Variants in MKRN1 observed in about 807,000 individuals in gnomAD.
MKRN1 encodes E3 ubiquitin-protein ligase makorin-1.
A neutral mutation model predicts 55.5 loss-of-function variants in MKRN1; 9 were observed. The ratio of observed to expected loss-of-function variants is 0.16; its 90% CI spans 0.10 to 0.28. MKRN1 has a LOEUF of 0.28. MKRN1 is among the 10% of genes least tolerant of loss of function. The pLI, the probability that MKRN1 is intolerant of heterozygous loss-of-function variation, is 1.00. For missense variants in MKRN1, 488 were observed against 626.7 expected (o/e 0.78, Z 2.36); for synonymous variants, 253 against 235.9 (o/e 1.07, Z -0.66).
At chr7:140,460,593 G>A (rs567805095) in intron 2 of MKRN1, among the ~76,000 whole-genome samples, 4 of 152,026 alleles carry the variant, frequency 2.6e-5, no homozygotes, top group Non-Finnish European at 4.4e-5. Flanking sequence ...GAGCCACCAC[G>A]TACGGCCATA....
At chr7:140,456,003 A>C (rs1794456198) in intron 5 of MKRN1, 103 bp from the exon 6 acceptor site, 1 of 1,124,204 alleles carries the variant, frequency 8.9e-7, no homozygotes, top group African/African-American at 1.5e-5. Context: ...GACTTAACTG[A>C]AAGGCACGTG....
intron 2 of MKRN1, among the ~76,000 whole-genome samples, chr7:140,467,754 G>T (rs1389752779): frequency 6.6e-6 from 1 of 152,108 alleles, no homozygotes; most frequent in Non-Finnish European, 1.5e-5. Context: ...TGTAATCCCA[G>T]CACTCTGGGA....
chr7:140,460,026 C>A lies in MKRN1; in HGVS notation c.315-90G>T, dbSNP rs1442678502. ...GTTTGGGAAGCTGAGGTGGGTGGAT[C>A]ACCAGAGAGGTTGGGAGTTCGAGAC... On this transcript the variant is annotated intron_variant, in intron 2 of 7. Coordinates refer to ENST00000255977, the MANE Select transcript of MKRN1 (RefSeq NM_013446.4). 4.4e-6 allele frequency: 5 copies of A among 1,141,222 alleles called. No individual in the cohort carries two copies. In the African/African-American group the frequency reaches 7.9e-5, roughly 18 times the overall value. The allele number at this position is 1,141,222 out of a possible 1,614,324, so 70.7% of individuals were successfully genotyped here.
intron 3 of MKRN1, 140 bp downstream of exon 3, chr7:140,459,567 G>A (rs1463044378): frequency 8.6e-6 from 7 of 812,782 alleles, no homozygotes; most frequent in Non-Finnish European, 1.1e-5. Context: ...GTAAATCTTA[G>A]GTAATCCAAA....
chr7:140,465,579 G>C (rs1293051978), intron 2 of MKRN1, among the ~76,000 whole-genome samples: 1 of 147,504 alleles, frequency 6.8e-6, no homozygotes. Context: ...TACTAGACTA[G>C]ATATCTGCAA....
chr7:140,468,573 T>A (rs1794834546), intron 2 of MKRN1, among the ~76,000 whole-genome samples: 1 of 151,764 alleles, frequency 6.6e-6, no homozygotes, highest in Admixed American at 6.6e-5. Context: ...TGGTGGCACA[T>A]GCCTGTAATC....
rs181637627 is a variant in MKRN1, at chr7:140,466,570, C to T, written c.314+5313G>A. On this transcript the variant is annotated intron_variant, in intron 2 of 7. Transcript: ENST00000255977. ...CTGTAATCCCAGCACTTTGGGAGGCCGAGGCGGGTGGATCATGAGGTCAGG... is the reference window on the plus strand; with the variant it reads ...CTGTAATCCCAGCACTTTGGGAGGCTGAGGCGGGTGGATCATGAGGTCAGG... Among the ~76,000 whole-genome samples, 815 of 150,500 alleles carry T rather than the reference C, an allele frequency of 5.4e-3. 11 individuals carry two copies. Among genetic ancestry groups the T allele is most frequent in the African/African-American group, 0.019 (763 of 40,970 alleles).
At chr7:140,472,387 C>T (rs774093832) in intron 1 of MKRN1, 2 of 199,914 alleles carry the variant, frequency 1.0e-5, no homozygotes, top group Non-Finnish European at 2.1e-5. Context: ...GAGCCGAGAT[C>T]GCGCCATTGC....
rs368688966 is a variant in MKRN1 at position 140,479,276 on chromosome 7, C to T, written c.69G>A (p.Ala23=). The T allele has an allele frequency of 9.0e-5, 125 of 1,389,230 alleles. No homozygotes were observed. In the African/African-American group the frequency reaches 1.5e-3, roughly 17 times the overall value. The allele number at this position is 1,389,230 out of a possible 1,614,324, so 86.1% of individuals were successfully genotyped here. ...TSGAGAAAAT[A]AAASPTPIPT... is the part of the protein sequence containing the mutation. ...GGATCGGGGTGGGGGAGGCTGCTGC[C>T]GCCGTCGCCGCTGCCGCTCCTGCTC... Residue 23 remains alanine, a synonymous_variant, in exon 1 of 8, where the codon GCG becomes GCA. Transcript: ENST00000255977.
At chr7:140,465,819 C>T (rs1361265284) in intron 2 of MKRN1, among the ~76,000 whole-genome samples, 5 of 152,054 alleles carry the variant, frequency 3.3e-5, no homozygotes, top group East Asian at 1.9e-4. Context: ...TGGTGGCTCA[C>T]GCCTGTAATC....
intron 1 of MKRN1, chr7:140,478,065 C>T (rs1236942784): frequency 6.6e-6 from 1 of 152,202 alleles, no homozygotes; most frequent in Non-Finnish European, 1.5e-5. Flanking sequence ...TGTATCACAT[C>T]AAAGACTGGG....
intron 2 of MKRN1, among the ~76,000 whole-genome samples, chr7:140,470,263 C>T (rs1794886861): frequency 6.7e-6 from 1 of 150,000 alleles, no homozygotes; most frequent in Non-Finnish European, 1.5e-5. Context: ...AAGTCTCCTG[C>T]CAACAGTCAT....
intron 2 of MKRN1, among the ~76,000 whole-genome samples, chr7:140,463,851 T>C (rs1794694960): frequency 6.6e-6 from 1 of 151,748 alleles, no homozygotes; most frequent in African/African-American, 2.4e-5. Flanking sequence ...ATCGCGCCAC[T>C]GCACTCCAGC....
intron 5 of MKRN1, 61 bp from the exon 6 acceptor site, chr7:140,455,961 A>G (rs1794454210): frequency 4.2e-6 from 6 of 1,434,682 alleles, no homozygotes; most frequent in Non-Finnish European, 5.9e-6. Flanking sequence ...CTCTTCAAGG[A>G]CACACCCTGG....
rs73485155 is a variant in MKRN1, at chr7:140,459,667, C to A, written c.544+40G>T. The A allele has an allele frequency of 1.8e-4, 285 of 1,576,410 alleles. 2 individuals carry two copies. The African/African-American group carries it at 3.3e-3, about 19-fold the overall frequency. On this transcript the variant is annotated intron_variant, in intron 3 of 7. Transcript: ENST00000255977. ...ACTAAGCAAATGGATGAACTGCTAT[C>A]CAGCCCTCTAACTCTTATTTTCTTC... is the stretch of plus-strand genomic sequence containing the variant.
chr7:140,471,909 C>A lies in MKRN1; in HGVS notation c.288G>T (p.Gly96=), dbSNP rs189177147. The change falls in exon 2 of 8, where the codon GGG becomes GGT. Residue 96 remains glycine (G), a synonymous_variant. Coordinates refer to ENST00000255977, the MANE Select transcript of MKRN1 (RefSeq NM_013446.4). The part of the protein sequence containing the change: ...YSVVCKYFQR[G]YCIYGDRCRY... Reference sequence around the variant, plus strand: ...TGCAGCGGTCTCCATAAATACAGTACCCTCGCTGAAAATACTTGCACACTA... The same window carrying A: ...TGCAGCGGTCTCCATAAATACAGTAACCTCGCTGAAAATACTTGCACACTA... 2 of 1,613,860 alleles carry A rather than the reference C, an allele frequency of 1.2e-6. No homozygotes were observed. Among genetic ancestry groups the A allele is most frequent in the Non-Finnish European group, 1.7e-6 (2 of 1,180,002 alleles).
chr7:140,463,382 C>A (rs1794677049), intron 2 of MKRN1, among the ~76,000 whole-genome samples: 1 of 152,184 alleles, frequency 6.6e-6, no homozygotes, highest in South Asian at 2.1e-4. Context: ...TACAGTACAG[C>A]CAACCACTGC....
At chr7:140,477,546 G>C (rs1563099218) in intron 1 of MKRN1, among the ~76,000 whole-genome samples, 2 of 151,906 alleles carry the variant, frequency 1.3e-5, no homozygotes, top group Non-Finnish European at 2.9e-5. Flanking sequence ...CTGGTCTTGA[G>C]CTCCTGACCT....
rs1198220173 is a variant in MKRN1 at position 140,455,867 on chromosome 7, A to G, written c.1020T>C (p.Phe340=). ...CCACCCAGTACTCACTTGGAATGAC[A>G]AAGTTAGATGTGATCCGGCATTCTG... ...SCPECRITSN[F]VIPSEYWVEE... The change falls in exon 6 of 8, where the codon TTT becomes TTC. Residue 340 remains phenylalanine, a synonymous_variant. Coordinates refer to ENST00000255977, the MANE Select transcript of MKRN1 (RefSeq NM_013446.4). The G allele has an allele frequency of 6.2e-7, 1 of 1,614,098 alleles. No homozygotes were observed. Among genetic ancestry groups the G allele is most frequent in the Non-Finnish European group, 8.5e-7 (1 of 1,179,976 alleles).
Sources: allele counts gnomAD v4.1 joint callset (sites outside exome capture counted in the v4.1 genomes callset), GRCh38; gene constraint gnomAD v4.1.1; transcripts MANE v1.5; gene names NCBI Gene and HGNC (gene_info 2026-07-23, HGNC 2026-07-21).